The following AGBL4 variants were observed in gnomAD, a reference collection of about 807,000 sequenced individuals.
AGBL4 encodes AGBL carboxypeptidase 4.
AGBL4 carries 58 observed loss-of-function variants against 66.4 expected under a neutral mutation model. The observed-to-expected ratio is 0.87, with a 90% CI of 0.71 to 1.09. The LOEUF (loss-of-function observed/expected upper bound fraction) is 1.09, where lower values mean the gene tolerates loss of function less well. Among genes scored for constraint, AGBL4 ranks in the 50% least tolerant of loss-of-function variants. The probability of loss-of-function intolerance (pLI) is 0.00; values close to 1 mark genes in which losing one functional copy is unlikely to be tolerated. For synonymous variants in AGBL4, 234 were observed against 222.9 expected, an observed-to-expected ratio of 1.05 and a Z score of -0.44; for missense variants, 579 against 631.0, an observed-to-expected ratio of 0.92 and a Z score of 0.88.
intron 4 of AGBL4, among the ~76,000 whole-genome samples, chr1:49,166,745 A>G (rs1646642441): frequency 1.3e-5 from 2 of 152,122 alleles, no homozygotes; most frequent in South Asian, 2.1e-4. Flanking sequence ...CTGGCTCTTC[A>G]TAGTTCTGTT....
chr1:48,814,653 T>C (rs1646134400), intron 6 of AGBL4, among the ~76,000 whole-genome samples: 1 of 150,340 alleles, frequency 6.7e-6, no homozygotes, highest in Admixed American at 6.7e-5. Flanking sequence ...AGTGAGAACA[T>C]GCGGTATTTA....
At chr1:49,202,630 C>A (rs537194199) in intron 4 of AGBL4, among the ~76,000 whole-genome samples, 26 of 152,020 alleles carry the variant, frequency 1.7e-4, no homozygotes, top group South Asian at 8.3e-4. Flanking sequence ...GGATAAAGAC[C>A]TAAATATAAG....
intron 6 of AGBL4, among the ~76,000 whole-genome samples, chr1:48,795,117 G>A (rs967204343): frequency 1.3e-5 from 2 of 152,030 alleles, no homozygotes; most frequent in South Asian, 4.1e-4. Context: ...CTATATCCTA[G>A]TTCAATTTTT....
intron 3 of AGBL4, among the ~76,000 whole-genome samples, chr1:49,598,454 G>T (rs1472935735): frequency 2.0e-5 from 3 of 152,218 alleles, no homozygotes; most frequent in Admixed American, 2.0e-4. Context: ...TCAGCTGCAG[G>T]TCTGTTGGAG....
chr1:48,902,983 T>C (rs1301194456), intron 5 of AGBL4, among the ~76,000 whole-genome samples: 1 of 152,140 alleles, frequency 6.6e-6, no homozygotes, highest in East Asian at 1.9e-4. Context: ...TAGCTCCAGA[T>C]ATAATGAATT....
chr1:49,281,938 G>A (rs1644281036), intron 3 of AGBL4, among the ~76,000 whole-genome samples: 1 of 152,196 alleles, frequency 6.6e-6, no homozygotes, highest in African/African-American at 2.4e-5. Flanking sequence ...CTGAGGAAGG[G>A]GCTGTGGAAA....
intron 3 of AGBL4, among the ~76,000 whole-genome samples, chr1:49,296,667 T>C (rs973878287): frequency 6.6e-6 from 1 of 152,158 alleles, no homozygotes; most frequent in Non-Finnish European, 1.5e-5. Flanking sequence ...GAGTTGCCTG[T>C]AGTGGGAAGA....
At chr1:49,014,881 G>T (rs774096153) in intron 5 of AGBL4, among the ~76,000 whole-genome samples, 3 of 152,152 alleles carry the variant, frequency 2.0e-5, no homozygotes, top group Admixed American at 6.5e-5. Context: ...TATAAGTAAG[G>T]ACTATCCTGA....
At chr1:48,542,616 G>A in intron 11 of AGBL4, among the ~76,000 whole-genome samples, 1 of 152,068 alleles carries the variant, frequency 6.6e-6, no homozygotes, top group East Asian at 1.9e-4. Flanking sequence ...TTTTTCATAT[G>A]TTTGTCAGCT....
chr1:48,587,591 T>C lies in AGBL4; in HGVS notation c.1105-425A>G, dbSNP rs114389280. 2.3e-3 allele frequency among the ~76,000 whole-genome samples: 344 copies of C among 151,662 alleles called. 3 individuals are homozygous for C. The highest frequency in any genetic ancestry group is 8.0e-3 in the African/African-American group (330 of 41,426). On this transcript the variant is annotated intron_variant, in intron 10 of 13. Transcript: ENST00000371839. ...CAGCCTAGGCAACATAGTGAGACCATGTCTCTATTCTTTTTATTATTATTA... is the reference window on the plus strand; with the variant it reads ...CAGCCTAGGCAACATAGTGAGACCACGTCTCTATTCTTTTTATTATTATTA...
intron 6 of AGBL4, among the ~76,000 whole-genome samples, chr1:48,799,967 G>GA (rs1372899091): frequency 1.3e-5 from 2 of 152,034 alleles, no homozygotes; most frequent in Non-Finnish European, 2.9e-5. Flanking sequence ...TTCTTTGTTT[G>GA]TTATATCCTT....
intron 4 of AGBL4, among the ~76,000 whole-genome samples, chr1:49,134,923 C>T (rs571427767): frequency 1.1e-4 from 16 of 152,182 alleles, no homozygotes; most frequent in East Asian, 1.9e-4. Context: ...CAGGTCCCTC[C>T]GTTTGGGGTC....
intron 3 of AGBL4, among the ~76,000 whole-genome samples, chr1:49,462,959 T>A (rs1476901770): frequency 2.0e-5 from 3 of 151,738 alleles, no homozygotes; most frequent in Non-Finnish European, 4.4e-5. Flanking sequence ...TTTATTCTAA[T>A]CCTGTCATTT....
At chr1:48,768,491 G>A (rs1473307809) in intron 6 of AGBL4, among the ~76,000 whole-genome samples, 1 of 152,046 alleles carries the variant, frequency 6.6e-6, no homozygotes, top group Non-Finnish European at 1.5e-5. Flanking sequence ...TTACTACTGG[G>A]GAAAAAAGGA....
intron 3 of AGBL4, among the ~76,000 whole-genome samples, chr1:49,484,565 T>G (rs1647024328): frequency 6.6e-6 from 1 of 151,886 alleles, no homozygotes; most frequent in Non-Finnish European, 1.5e-5. Context: ...ATTGAACTCA[T>G]GGAGACAGAG....
chr1:49,791,713 G>C (rs1306168549), intron 2 of AGBL4, among the ~76,000 whole-genome samples: 1 of 151,896 alleles, frequency 6.6e-6, no homozygotes, highest in East Asian at 1.9e-4. Flanking sequence ...CTATCTTTTA[G>C]GTCTCAGTTT....
intron 3 of AGBL4, among the ~76,000 whole-genome samples, chr1:49,669,741 A>G (rs919033855): frequency 7.2e-5 from 11 of 152,186 alleles, no homozygotes; most frequent in Non-Finnish European, 1.6e-4. Context: ...AATCTTCCCA[A>G]TAAGGCAAAT....
chr1:49,917,969 T>G (rs1651743275), intron 1 of AGBL4, among the ~76,000 whole-genome samples: 1 of 152,194 alleles, frequency 6.6e-6, no homozygotes, highest in Admixed American at 6.5e-5. Flanking sequence ...CTGAACAACC[T>G]GCTCCTGAAT....
At chr1:48,965,405 C>A (rs1348910260) in intron 5 of AGBL4, among the ~76,000 whole-genome samples, 3 of 151,974 alleles carry the variant, frequency 2.0e-5, no homozygotes, top group Non-Finnish European at 4.4e-5. Context: ...AGGAAAAACA[C>A]AAAAAGGACT....
Sources: allele counts gnomAD v4.1 joint callset (sites outside exome capture counted in the v4.1 genomes callset), GRCh38; gene constraint gnomAD v4.1.1; transcripts MANE v1.5; gene names NCBI Gene and HGNC (gene_info 2026-07-23, HGNC 2026-07-21).